The following DNAH5 variants were observed in gnomAD, a reference collection of about 807,000 sequenced individuals.
DNAH5 encodes the protein dynein axonemal heavy chain 5, also known as axonemal beta dynein heavy chain 5.
DNAH5 carries 372 observed loss-of-function variants against 518.2 expected under a neutral mutation model. The ratio of observed to expected loss-of-function variants is 0.72; its 90% CI spans 0.66 to 0.78. DNAH5 has a LOEUF of 0.78. Ranked by LOEUF, DNAH5 falls within the 30% of genes least tolerant of loss-of-function variation. The pLI is 0.00. For missense variants in DNAH5, 5,523 were observed against 5,687.0 expected (o/e 0.97, Z 0.93); for synonymous variants, 2,039 against 2,025.9 (o/e 1.01, Z -0.17).
chr5:13,909,259 A>G, intron 12 of DNAH5, among the ~76,000 whole-genome samples: 1 of 152,206 alleles, frequency 6.6e-6, no homozygotes. Flanking sequence ...ACATACAAAC[A>G]TAATAATGTT....
intron 78 of DNAH5, among the ~76,000 whole-genome samples, chr5:13,699,044 T>C (rs2126391061): frequency 6.6e-6 from 1 of 152,296 alleles, no homozygotes; most frequent in South Asian, 2.1e-4. Context: ...GTTTGGTCTT[T>C]TCTCAGTGCT....
chr5:13,708,271 A>G lies in DNAH5; in HGVS notation c.13190T>C (p.Ile4397Thr). Residue 4397 changes from isoleucine (I) to threonine (T), a missense_variant, in exon 76 of 79, where the codon ATA (isoleucine) becomes ACA (threonine). This residue lies in a region of DNAH5 where 387 missense variants were observed against 430.0 expected (regional missense o/e 0.90). Coordinates refer to ENST00000265104, the MANE Select transcript of DNAH5 (RefSeq NM_001369.3). ...QPMNIFLRQE[I>T]DRMQRVLSLV... ...GCTGAGTACCCTTTGCATTCTGTCT[A>G]TTTCCTGCCTGAGGAAAATGTTCAT... 6.2e-7 allele frequency: 1 copy of G among 1,614,070 alleles called. No homozygotes were observed. The highest frequency in any genetic ancestry group is 1.1e-5 in the South Asian group (1 of 91,080).
chr5:13,923,162 C>G, intron 4 of DNAH5, 118 bp downstream of exon 4: 2 of 1,327,316 alleles, frequency 1.5e-6, no homozygotes, highest in Non-Finnish European at 2.1e-6. Context: ...AAATACTTCT[C>G]TGAAAGTAGT....
intron 1 of DNAH5, among the ~76,000 whole-genome samples, chr5:14,007,838 C>A (rs370721296): frequency 6.6e-6 from 1 of 152,090 alleles, no homozygotes; most frequent in Non-Finnish European, 1.5e-5. Flanking sequence ...AGAGCTCCAG[C>A]GTCCTAAAGG....
At chr5:13,870,570 C>A (rs1405537981) in intron 24 of DNAH5, among the ~76,000 whole-genome samples, 197 bp downstream of exon 24, 1 of 152,106 alleles carries the variant, frequency 6.6e-6, no homozygotes, top group African/African-American at 2.4e-5. Flanking sequence ...CTTTGAAGGA[C>A]CTTAGGCGAC....
chr5:13,782,552 CA>C (rs1405756973), intron 52 of DNAH5, among the ~76,000 whole-genome samples: 2 of 152,150 alleles, frequency 1.3e-5, no homozygotes, highest in Non-Finnish European at 2.9e-5. Flanking sequence ...CTTCAAGAGG[CA>C]CAGACGGTGG....
intron 1 of DNAH5, among the ~76,000 whole-genome samples, chr5:14,007,399 G>C (rs1784795528): frequency 6.6e-6 from 1 of 152,122 alleles, no homozygotes; most frequent in Non-Finnish European, 1.5e-5. Flanking sequence ...CACTCCCTGG[G>C]GTGGATACAG....
At chr5:13,771,578 C>T (rs1753343518) in intron 55 of DNAH5, among the ~76,000 whole-genome samples, 1 of 152,130 alleles carries the variant, frequency 6.6e-6, no homozygotes, top group Non-Finnish European at 1.5e-5. Flanking sequence ...CCCCACATTG[C>T]CAAATGGGGG....
At chr5:13,882,638 T>C (rs1771827758) in intron 21 of DNAH5, 90 bp downstream of exon 21, 6 of 1,002,818 alleles carry the variant, frequency 6.0e-6, no homozygotes, top group South Asian at 2.7e-5. Context: ...GTAAAATAAA[T>C]TGAGAATTAC....
chr5:13,713,414 C>CATAT (rs370220746), intron 75 of DNAH5, among the ~76,000 whole-genome samples: 2,151 of 96,770 alleles, frequency 0.022, 122 homozygotes, highest in African/African-American at 0.08. Context: ...TATACACCGA[C>CATAT]ATATATATAT....
intron 61 of DNAH5, among the ~76,000 whole-genome samples, chr5:13,757,991 A>T (rs1043889829): frequency 6.6e-6 from 1 of 152,072 alleles, no homozygotes; most frequent in African/African-American, 2.4e-5. Flanking sequence ...GAATCTAGCT[A>T]TTATTTACCA....
intron 77 of DNAH5, 66 bp downstream of exon 77, chr5:13,701,218 A>C: frequency 6.2e-7 from 1 of 1,600,564 alleles, no homozygotes; most frequent in Non-Finnish European, 8.6e-7. Context: ...CTTTAAAACT[A>C]TAATGATGGA....
intron 78 of DNAH5, among the ~76,000 whole-genome samples, chr5:13,694,192 G>C (rs1741061953): frequency 6.6e-6 from 1 of 152,070 alleles, no homozygotes; most frequent in Non-Finnish European, 1.5e-5. Flanking sequence ...AATCCCAACA[G>C]AAAAATGGAG....
At position 13,717,480 on chromosome 5, in the gene DNAH5, C is replaced by G; in HGVS notation, c.12540G>C (p.Gln4180His). Residue 4180 changes from glutamine to histidine, a missense_variant, in exon 73 of 79, where the codon CAG becomes CAC. Physicochemically the swap from Gln to His is conservative, Grantham distance 24 (BLOSUM62 0). This residue lies in a region of DNAH5 where 5,121 missense variants were observed against 5,223.3 expected (regional missense o/e 0.98). Coordinates refer to ENST00000265104, the MANE Select transcript of DNAH5 (RefSeq NM_001369.3). ...CCACTGCGTACAGCATGGGCTTCCA[C>G]TGGGACCCAGAGCTCACGTCCAGCA... ...QDLLDVSSGS[Q>H]WKPMLYAVAF... The G allele has an allele frequency of 6.2e-7, 1 of 1,614,186 alleles. No individual in the cohort carries two copies. The highest frequency in any genetic ancestry group is 8.5e-7 in the Non-Finnish European group (1 of 1,180,020).
intron 17 of DNAH5, among the ~76,000 whole-genome samples, chr5:13,890,351 G>A (rs1222923685): frequency 6.0e-5 from 9 of 150,270 alleles, no homozygotes; most frequent in South Asian, 2.1e-4. Flanking sequence ...AGGTTGTAGT[G>A]AGCTGAGATC....
Position 13,752,212 on chromosome 5 carries a change from T to C in DNAH5, c.10950A>G (p.Glu3650=), listed in dbSNP as rs1750335994. ...SLSLGRPLLI[E]DVGEELDPAL... ...CTGGATCTAGTTCCTCTCCAACATC[T>C]TCAATAAGCAAAGGCCTTCCAAGAG... Residue 3650 remains glutamate (E), a synonymous_variant, in exon 64 of 79, where the codon GAA becomes GAG. Transcript: ENST00000265104. The C allele has an allele frequency of 5.0e-6, 8 of 1,613,942 alleles. No individual in the cohort carries two copies. Among genetic ancestry groups the C allele is most frequent in the South Asian group, 1.1e-5 (1 of 91,082 alleles).
At chr5:13,704,993 A>ATT (rs111906324) in intron 76 of DNAH5, among the ~76,000 whole-genome samples, 165 of 146,616 alleles carry the variant, frequency 1.1e-3, no homozygotes, top group Admixed American at 3.9e-3. Flanking sequence ...CCAATAGACA[A>ATT]TTTTTTTTTT....
At chr5:13,947,547 T>C (rs1309179361), upstream of DNAH5, among the ~76,000 whole-genome samples, 1 of 152,070 alleles carries the variant, frequency 6.6e-6, no homozygotes, top group Non-Finnish European at 1.5e-5. Context: ...TGCAAAAGAG[T>C]TATGACTACC....
intron 78 of DNAH5, among the ~76,000 whole-genome samples, chr5:13,694,705 C>T (rs1017572): frequency 0.44 from 67,497 of 151,992 alleles, 16,396 homozygotes; most frequent in Non-Finnish European, 0.54. Flanking sequence ...ATAATCGTTA[C>T]ATAGAGAGTC....
Sources: allele counts gnomAD v4.1 joint callset (sites outside exome capture counted in the v4.1 genomes callset), GRCh38; gene constraint gnomAD v4.1.1; regional missense constraint gnomAD v4.1.1; transcripts MANE v1.5; gene names NCBI Gene and HGNC (gene_info 2026-07-23, HGNC 2026-07-21).